FAM199X: variants seen among roughly 807,000 people sequenced by gnomAD.
FAM199X encodes the protein protein FAM199X.
A neutral mutation model predicts 22.9 loss-of-function variants in FAM199X; 4 were observed. The observed-to-expected ratio is 0.17, with a 90% CI of 0.09 to 0.40. The LOEUF (loss-of-function observed/expected upper bound fraction) is 0.40. Ranked by LOEUF, FAM199X falls within the 10% of genes least tolerant of loss-of-function variation. FAM199X has a pLI of 1.00. For synonymous variants in FAM199X, 101 were observed against 112.3 expected, an observed-to-expected ratio of 0.90 and a Z score of 0.64; for missense variants, 183 against 306.8, an observed-to-expected ratio of 0.60 and a Z score of 3.01.
At chrX:104,179,406 A>G (rs1921584242) in intron 2 of FAM199X, among the ~76,000 whole-genome samples, 1 of 111,898 alleles carries the variant, frequency 8.9e-6, no homozygotes, top group Non-Finnish European at 1.9e-5. Flanking sequence ...GCTGTTATAA[A>G]TAGTATTGTT....
intron 2 of FAM199X, among the ~76,000 whole-genome samples, chrX:104,181,406 G>T (rs1226384484): frequency 8.9e-6 from 1 of 111,808 alleles, no homozygotes; most frequent in Non-Finnish European, 1.9e-5. Context: ...GTCTAATCCC[G>T]TATCTCCAGT....
chrX:104,195,260 A>G lies in FAM199X; in HGVS notation c.*5482A>G, dbSNP rs782087785. 9.0e-6 allele frequency: 1 copy of G among 111,577 alleles called. No homozygotes were observed. The highest frequency in any genetic ancestry group is 3.2e-5 in the African/African-American group (1 of 30,833). The allele number at this position is 111,577 out of a possible 1,213,427, so 9.2% of individuals were successfully genotyped here. ...CCCACTCACTGCTGCTTACTACTTT[A>G]TACTTCTGAGTCAGCTCCTTTCATG... On this transcript the variant is annotated 3_prime_UTR_variant, in exon 6 of 6. Coordinates refer to ENST00000493442, the MANE Select transcript of FAM199X (RefSeq NM_207318.4).
At chrX:104,184,148 T>C (rs1556378509) in intron 2 of FAM199X, among the ~76,000 whole-genome samples, 2 of 112,566 alleles carry the variant, frequency 1.8e-5, no homozygotes, top group Non-Finnish European at 3.7e-5. Context: ...TGTTATTGTA[T>C]TACTTTCCCA....
rs782169475 is a variant in FAM199X at position 104,191,333 on chromosome X, T to C, written c.*1555T>C. The C allele has an allele frequency of 1.8e-5, 2 of 112,274 alleles. No homozygotes were observed. Among genetic ancestry groups the C allele is most frequent in the Non-Finnish European group, 3.8e-5 (2 of 53,181 alleles). The allele number at this position is 112,274 out of a possible 1,213,427, so 9.3% of individuals were successfully genotyped here. A position where few individuals can be genotyped will look rare whatever the true frequency, so the allele number is the denominator to read the frequency against. ...AAGAATGGAAACTGGGGATAAAAAT[T>C]AATACACTGCAGCTTTGCCAAGGTC... On this transcript the variant is annotated 3_prime_UTR_variant, in exon 6 of 6. Coordinates refer to ENST00000493442, the MANE Select transcript of FAM199X (RefSeq NM_207318.4).
chrX:104,190,393 T>C lies in FAM199X; in HGVS notation c.*615T>C, dbSNP rs781914142. Reference sequence around the variant, plus strand: ...CTTCATTAGTTTTAGTTCTGTCTGTTTTCATTCATTATTGACTCAAAGGTA... The same window carrying C: ...CTTCATTAGTTTTAGTTCTGTCTGTCTTCATTCATTATTGACTCAAAGGTA... On this transcript the variant is annotated 3_prime_UTR_variant, in exon 6 of 6. Transcript: ENST00000493442. The C allele has an allele frequency of 8.9e-6, 1 of 111,971 alleles. No individual in the cohort carries two copies. The highest frequency in any genetic ancestry group is 1.9e-5 in the Non-Finnish European group (1 of 53,266). The allele number at this position is 111,971 out of a possible 1,213,427, so 9.2% of individuals were successfully genotyped here.
chrX:104,165,638 A>C (rs1181598163), upstream of FAM199X, among the ~76,000 whole-genome samples: 2 of 109,831 alleles, frequency 1.8e-5, no homozygotes, highest in Non-Finnish European at 3.8e-5. Flanking sequence ...GGTTTCCTCT[A>C]TTTTTTTTTA....
At position 104,175,796 on chromosome X, in the gene FAM199X, C is replaced by T. The variant is rs1381197423; in HGVS notation, c.371C>T (p.Ser124Phe). The change falls in exon 2 of 6, where the codon TCT (serine) becomes TTT (phenylalanine). Residue 124 changes from serine to phenylalanine, a missense_variant. Physicochemically the swap from Ser to Phe is radical, Grantham distance 155 (BLOSUM62 -2). Around this residue, in one of 2 missense-constraint regions of FAM199X, gnomAD observed 128 missense variants for 246.2 expected, o/e 0.52. Coordinates refer to ENST00000493442, the MANE Select transcript of FAM199X (RefSeq NM_207318.4). ...EGSVCSDVSSSISTYWDWSDS... is the reference protein window; with the variant it reads ...EGSVCSDVSSFISTYWDWSDS... Reference sequence around the variant, plus strand: ...AGTGTCTGCAGTGATGTCTCTTCTTCTATTAGCACTTACTGGGATTGGTCA... The same window carrying T: ...AGTGTCTGCAGTGATGTCTCTTCTTTTATTAGCACTTACTGGGATTGGTCA... 1 of 1,209,332 alleles carries T rather than the reference C, an allele frequency of 8.3e-7. No individual in the cohort carries two copies. Among genetic ancestry groups the T allele is most frequent in the Non-Finnish European group, 1.1e-6 (1 of 894,865 alleles).
Position 104,195,124 on chromosome X carries a change from A to G in FAM199X, c.*5346A>G, listed in dbSNP as rs782801185. 3 of 110,498 alleles carry G rather than the reference A, an allele frequency of 2.7e-5. No individual in the cohort carries two copies. Among genetic ancestry groups the G allele is most frequent in the Non-Finnish European group, 5.7e-5 (3 of 52,932 alleles). The allele number at this position is 110,498 out of a possible 1,213,427, so 9.1% of individuals were successfully genotyped here. ...GTGTATGGTTGTAATTAAAACTGGCAATGTGGCAGAGCTGTCTTTTGAAAC... is the reference window on the plus strand; with the variant it reads ...GTGTATGGTTGTAATTAAAACTGGCGATGTGGCAGAGCTGTCTTTTGAAAC... On this transcript the variant is annotated 3_prime_UTR_variant, in exon 6 of 6. Coordinates refer to ENST00000493442, the MANE Select transcript of FAM199X (RefSeq NM_207318.4).
chrX:104,167,762 G>T (rs1342374061), intron 1 of FAM199X, among the ~76,000 whole-genome samples: 2 of 110,947 alleles, frequency 1.8e-5, no homozygotes, highest in African/African-American at 6.6e-5. Context: ...TTCAGTAGAA[G>T]GTAGTGTTCT....
chrX:104,179,976 C>CTTTTTT (rs1162038054), intron 2 of FAM199X, among the ~76,000 whole-genome samples: 1 of 86,153 alleles, frequency 1.2e-5, no homozygotes, highest in African/African-American at 4.4e-5. Context: ...TGAATTTTTC[C>CTTTTTT]TTTTTTTTTT....
At position 104,189,816 on chromosome X, in the gene FAM199X, A is replaced by G; in HGVS notation, c.*38A>G. The G allele has an allele frequency of 8.4e-7, 1 of 1,192,627 alleles. No individual in the cohort carries two copies. The highest frequency in any genetic ancestry group is 2.2e-5 in the Admixed American group (1 of 45,051). ...TATCAACGTTCTTTGTGAGCATTAA[A>G]ATACTCCATCCTTATGGGTTTACAT... On this transcript the variant is annotated 3_prime_UTR_variant, in exon 6 of 6. Transcript: ENST00000493442.
intron 2 of FAM199X, among the ~76,000 whole-genome samples, chrX:104,179,822 G>T (rs1293243063): frequency 1.8e-5 from 2 of 110,728 alleles, no homozygotes; most frequent in African/African-American, 6.6e-5. Context: ...TGCAGTTTTC[G>T]TTCTCAGTTG....
chrX:104,170,806 C>G (rs1385706484), intron 1 of FAM199X, among the ~76,000 whole-genome samples: 1 of 110,850 alleles, frequency 9.0e-6, no homozygotes, highest in Non-Finnish European at 1.9e-5. Context: ...GGTAATGAAC[C>G]CAACACAATT....
At chrX:104,179,905 G>A (rs1921601307) in intron 2 of FAM199X, among the ~76,000 whole-genome samples, 1 of 107,800 alleles carries the variant, frequency 9.3e-6, no homozygotes, top group Non-Finnish European at 1.9e-5. Flanking sequence ...TCCTCTTCTG[G>A]TTAAAATTTT....
intron 2 of FAM199X, among the ~76,000 whole-genome samples, chrX:104,181,781 T>A (rs67444858): frequency 9.1e-6 from 1 of 110,264 alleles, no homozygotes; most frequent in Non-Finnish European, 1.9e-5. Context: ...TTTTCTTATA[T>A]GTAAAATGAG....
At chrX:104,178,909 C>G (rs1921566503) in intron 2 of FAM199X, among the ~76,000 whole-genome samples, 1 of 111,526 alleles carries the variant, frequency 9.0e-6, no homozygotes, top group African/African-American at 3.3e-5. Flanking sequence ...GGGTAGATAG[C>G]TTGAGCCCAG....
chrX:104,169,998 A>G (rs185866794), intron 1 of FAM199X, among the ~76,000 whole-genome samples: 52 of 112,673 alleles, frequency 4.6e-4, no homozygotes, highest in African/African-American at 1.5e-3. Context: ...GGATTGGTCT[A>G]GAATTTTAGG....
chrX:104,188,116 G>T lies in FAM199X; in HGVS notation c.806G>T (p.Cys269Phe). The change falls in exon 5 of 6, where the codon TGT (cysteine) becomes TTT (phenylalanine). Residue 269 changes from cysteine to phenylalanine, a missense_variant. Transcript: ENST00000493442. The part of the protein sequence containing the change: ...REAWKRSNFS[C>F]ASTSGVSGAS... ...GCCTGGAAGAGAAGCAACTTTAGTT[G>T]TGCAAGCACCAGTGGAGTGAGCGGT... is the stretch of plus-strand genomic sequence containing the variant. 8.3e-7 allele frequency: 1 copy of T among 1,211,838 alleles called. No homozygotes were observed. Among genetic ancestry groups the T allele is most frequent in the Non-Finnish European group, 1.1e-6 (1 of 895,575 alleles).
In FAM199X at chrX:104,188,077, G is replaced by A. The variant is rs1556379584; in HGVS notation, c.767G>A (p.Arg256Gln). ...NYIKEHSPRQ[R>Q]PAREAWKRSN... ...ATCAAGGAACATAGCCCTCGCCAACGGCCTGCAAGAGAGGCCTGGAAGAGA... is the reference window on the plus strand; with the variant it reads ...ATCAAGGAACATAGCCCTCGCCAACAGCCTGCAAGAGAGGCCTGGAAGAGA... Residue 256 changes from arginine to glutamine, a missense_variant, in exon 5 of 6, where the codon CGG (arginine) becomes CAG (glutamine). Physicochemically the swap from Arg to Gln is conservative, Grantham distance 43. Coordinates refer to ENST00000493442, the MANE Select transcript of FAM199X (RefSeq NM_207318.4). 8.3e-7 allele frequency: 1 copy of A among 1,211,727 alleles called. No individual in the cohort carries two copies. The highest frequency in any genetic ancestry group is 1.1e-6 in the Non-Finnish European group (1 of 895,489).
Sources: allele counts gnomAD v4.1 joint callset (sites outside exome capture counted in the v4.1 genomes callset), GRCh38; gene constraint gnomAD v4.1.1; regional missense constraint gnomAD v4.1.1; transcripts MANE v1.5; gene names NCBI Gene and HGNC (gene_info 2026-07-23, HGNC 2026-07-21).